NLGN4Y: variants seen among roughly 807,000 people sequenced by gnomAD.
NLGN4Y encodes the protein neuroligin-4, Y-linked.
In NLGN4Y, 4 loss-of-function variants were observed where a neutral mutation model predicts 8.4. The ratio of observed to expected loss-of-function variants is 0.48; its 90% CI spans 0.23 to 1.09. The LOEUF (loss-of-function observed/expected upper bound fraction) is 1.09. NLGN4Y is among the 50% of genes least tolerant of loss of function. The pLI, the probability that NLGN4Y is intolerant of heterozygous loss-of-function variation, is 0.19. For synonymous variants in NLGN4Y, 35 were observed against 75.6 expected (o/e 0.46, Z 2.78); for missense variants, 90 against 192.3 (o/e 0.47, Z 3.15).
intron 2 of NLGN4Y, among the ~76,000 whole-genome samples, chrY:14,701,614 A>G (rs2080848774): frequency 6.1e-5 from 2 of 32,921 alleles, no homozygotes; most frequent in Admixed American, 2.8e-4. Flanking sequence ...TTTTCCATTC[A>G]TAGAAGGCAC....
At chrY:14,699,467 T>C (rs2080842392) in intron 2 of NLGN4Y, among the ~76,000 whole-genome samples, 1 of 33,506 alleles carries the variant, frequency 3.0e-5, no homozygotes, top group Non-Finnish European at 7.4e-5. Flanking sequence ...GAAAACTGGT[T>C]GGAATATTGG....
chrY:14,576,932 T>C, intron 1 of NLGN4Y, among the ~76,000 whole-genome samples: 1 of 33,678 alleles, frequency 3.0e-5, no homozygotes, highest in Non-Finnish European at 7.4e-5. Flanking sequence ...CTAATGATCA[T>C]CAGCTTTCTT....
intron 2 of NLGN4Y, among the ~76,000 whole-genome samples, chrY:14,715,551 A>T: frequency 3.1e-5 from 1 of 32,497 alleles, no homozygotes; most frequent in Non-Finnish European, 7.5e-5. Context: ...ACCAAACACC[A>T]CATGTTTTCA....
chrY:14,714,540 T>C, intron 2 of NLGN4Y, among the ~76,000 whole-genome samples: 2 of 32,917 alleles, frequency 6.1e-5, no homozygotes, highest in African/African-American at 2.4e-4. Flanking sequence ...CAAAAAGACC[T>C]TGGAATAGGG....
chrY:14,557,665 G>A, intron 1 of NLGN4Y, among the ~76,000 whole-genome samples: 1 of 33,081 alleles, frequency 3.0e-5, no homozygotes, highest in East Asian at 7.9e-4. Context: ...TATCCTTGTG[G>A]GAGTCTGTGT....
At chrY:14,745,858 G>A (rs1603503444) in intron 4 of NLGN4Y, among the ~76,000 whole-genome samples, 1 of 33,030 alleles carries the variant, frequency 3.0e-5, no homozygotes, top group Non-Finnish European at 7.5e-5. Flanking sequence ...CAATCTAATC[G>A]GTAACCTTCT....
chrY:14,752,431 A>G (rs2081044331), intron 4 of NLGN4Y, among the ~76,000 whole-genome samples: 1 of 33,609 alleles, frequency 3.0e-5, no homozygotes, highest in African/African-American at 1.2e-4. Context: ...ATTAATAATG[A>G]ATTGAATTAA....
At chrY:14,553,130 A>G (rs774799425) in intron 1 of NLGN4Y, among the ~76,000 whole-genome samples, 2 of 33,284 alleles carry the variant, frequency 6.0e-5, no homozygotes, top group Admixed American at 5.6e-4. Context: ...CCCCAGTAAT[A>G]GACAAACAGA....
intron 2 of NLGN4Y, among the ~76,000 whole-genome samples, chrY:14,646,093 A>G: frequency 6.0e-5 from 2 of 33,226 alleles, no homozygotes; most frequent in Non-Finnish European, 1.5e-4. Context: ...GATGACAGCA[A>G]TGAAGATAAC....
Position 14,840,545 on chromosome Y carries a change from G to A in NLGN4Y, c.1794G>A (p.Val598=), listed in dbSNP as rs1359690965. 2.5e-6 allele frequency: 1 copy of A among 398,899 alleles called. No individual in the cohort carries two copies. Among genetic ancestry groups the A allele is most frequent in the South Asian group, 3.0e-5 (1 of 33,736 alleles). The change falls in exon 7 of 7, where the codon GTG becomes GTA. Residue 598 remains valine (V), a synonymous_variant. Coordinates refer to ENST00000684976, the MANE Select transcript of NLGN4Y (RefSeq NM_001365588.1). ...TGCATATTGGCTTGAAACCCAGAGTGAGAGATCACTACCGGGCAACGAAAG... is the reference window on the plus strand; with the variant it reads ...TGCATATTGGCTTGAAACCCAGAGTAAGAGATCACTACCGGGCAACGAAAG... ...LYLHIGLKPR[V]RDHYRATKVA... is the part of the protein sequence containing the mutation.
At chrY:14,544,953 C>T in intron 1 of NLGN4Y, among the ~76,000 whole-genome samples, 1 of 25,981 alleles carries the variant, frequency 3.8e-5, no homozygotes, top group African/African-American at 1.6e-4. Flanking sequence ...ACAACAGTCC[C>T]CAGAGTGTGA....
At chrY:14,724,013 A>G in intron 4 of NLGN4Y, among the ~76,000 whole-genome samples, 1 of 33,312 alleles carries the variant, frequency 3.0e-5, no homozygotes, top group Non-Finnish European at 7.4e-5. Flanking sequence ...ATATTCCTAG[A>G]TCTCTGTAAA....
chrY:14,755,588 T>C, intron 4 of NLGN4Y, among the ~76,000 whole-genome samples: 2 of 34,256 alleles, frequency 5.8e-5, no homozygotes, highest in African/African-American at 1.1e-4. Flanking sequence ...CCCAGCACTT[T>C]GGGAGGCCAA....
intron 2 of NLGN4Y, among the ~76,000 whole-genome samples, chrY:14,702,282 A>G (rs2080852095): frequency 9.2e-5 from 3 of 32,443 alleles, no homozygotes; most frequent in Non-Finnish European, 2.3e-4. Flanking sequence ...ATTTAATGTT[A>G]GGTATATCTC....
intron 2 of NLGN4Y, among the ~76,000 whole-genome samples, chrY:14,647,601 GACAA>G (rs2080615495): frequency 5.9e-5 from 2 of 33,822 alleles, no homozygotes; most frequent in Non-Finnish European, 1.5e-4. Context: ...ATTAGAAAGT[GACAA>G]ACAGTGTTTC....
At chrY:14,778,075 A>C (rs1054649160) in intron 4 of NLGN4Y, among the ~76,000 whole-genome samples, 3 of 30,859 alleles carry the variant, frequency 9.7e-5, no homozygotes, top group Non-Finnish European at 2.3e-4. Flanking sequence ...AAATAAATAA[A>C]TAACTATGTA....
chrY:14,543,130 A>G (rs2080156836), intron 1 of NLGN4Y, among the ~76,000 whole-genome samples: 1 of 33,876 alleles, frequency 3.0e-5, no homozygotes, highest in Non-Finnish European at 7.3e-5. Context: ...TGTAGAGTAT[A>G]CATAAAAAAG....
At chrY:14,748,900 AAAAG>A (rs1259184673) in intron 4 of NLGN4Y, among the ~76,000 whole-genome samples, 418 of 11,983 alleles carry the variant, frequency 0.035, no homozygotes, top group South Asian at 0.19. Context: ...AAAAGAAAAA[AAAAG>A]AAAGAAAGAA....
At chrY:14,583,361 A>G in intron 1 of NLGN4Y, among the ~76,000 whole-genome samples, 2 of 33,502 alleles carry the variant, frequency 6.0e-5, no homozygotes. Flanking sequence ...CATGGTTCAG[A>G]TTATAATTCA....
Sources: allele counts gnomAD v4.1 joint callset (sites outside exome capture counted in the v4.1 genomes callset), GRCh38; gene constraint gnomAD v4.1.1; transcripts MANE v1.5; gene names NCBI Gene and HGNC (gene_info 2026-07-23, HGNC 2026-07-21).